INPP4B: variants seen among roughly 807,000 people sequenced by gnomAD.
INPP4B encodes the protein inositol polyphosphate 4-phosphatase type II.
In INPP4B, 55 loss-of-function variants were observed where a neutral mutation model predicts 122.5. The ratio of observed to expected loss-of-function variants is 0.45; its 90% confidence interval spans 0.36 to 0.56. The LOEUF (loss-of-function observed/expected upper bound fraction) is 0.56, where lower values mean the gene tolerates loss of function less well. Ranked by LOEUF, INPP4B falls within the 20% of genes least tolerant of loss-of-function variation. The probability of loss-of-function intolerance (pLI) is 0.00; values close to 1 mark genes in which losing one functional copy is unlikely to be tolerated. For synonymous variants in INPP4B, 403 were observed against 388.7 expected (o/e 1.04, Z -0.43); for missense variants, 1,000 against 1,097.7 (o/e 0.91, Z 1.26).
At chr4:142,137,686 C>A (rs1805315091) in intron 18 of INPP4B, among the ~76,000 whole-genome samples, 1 of 142,008 alleles carries the variant, frequency 7.0e-6, no homozygotes, top group African/African-American at 2.6e-5. Context: ...AACAAATTTA[C>A]AAGAAAAAAA....
At chr4:142,654,367 T>TTA (rs766012808) in intron 2 of INPP4B, 76 of 100,982 alleles carry the variant, frequency 7.5e-4, no homozygotes, top group Non-Finnish European at 1.1e-3. Context: ...ACTTAAAGTA[T>TTA]AAAAAAAAAA....
At chr4:142,597,437 G>C (rs1738962765) in intron 2 of INPP4B, among the ~76,000 whole-genome samples, 1 of 152,128 alleles carries the variant, frequency 6.6e-6, no homozygotes, top group African/African-American at 2.4e-5. Context: ...AATAATAATT[G>C]AGATAAATAA....
At chr4:142,468,690 A>G (rs1355347583) in intron 2 of INPP4B, among the ~76,000 whole-genome samples, 1 of 152,070 alleles carries the variant, frequency 6.6e-6, no homozygotes, top group Non-Finnish European at 1.5e-5. Context: ...TTCTGCACAC[A>G]CTGGCTCCCC....
intron 7 of INPP4B, among the ~76,000 whole-genome samples, chr4:142,386,688 T>C (rs1202746159): frequency 6.6e-6 from 1 of 152,224 alleles, no homozygotes; most frequent in Non-Finnish European, 1.5e-5. Context: ...CGTCCCTTTT[T>C]ATGTCGATAA....
At position 142,045,689 on chromosome 4, in the gene INPP4B, G is replaced by A. The variant is rs566541078; in HGVS notation, c.2643-16775C>T. Reference sequence around the variant, plus strand: ...AGCTTCATGGAATATTTCCCAAAATGTGTGTAATTAAATAAGTTGGGAAAT... The same window carrying A: ...AGCTTCATGGAATATTTCCCAAAATATGTGTAATTAAATAAGTTGGGAAAT... On this transcript the variant is annotated intron_variant, in intron 25 of 25. Transcript: ENST00000262992. Among the ~76,000 whole-genome samples, 296 of 152,166 alleles carry A rather than the reference G, an allele frequency of 1.9e-3. 2 individuals are homozygous for A. Among genetic ancestry groups the A allele is most frequent in the African/African-American group, 6.4e-3 (267 of 41,530 alleles).
chr4:142,032,333 G>A lies in INPP4B; in HGVS notation c.2643-3419C>T, dbSNP rs532477318. 2.6e-5 allele frequency among the ~76,000 whole-genome samples: 4 copies of A among 152,196 alleles called. No homozygotes were observed. In the East Asian group the frequency reaches 7.8e-4, roughly 30 times the overall value. ...AACTAGTGGATGGCAGACCAAACTG[G>A]AGGAGAGACTCTACAGTTATGGACC... On this transcript the variant is annotated intron_variant, in intron 25 of 25. Transcript: ENST00000262992.
chr4:142,224,214 C>A (rs979422774), intron 12 of INPP4B, among the ~76,000 whole-genome samples: 4 of 152,080 alleles, frequency 2.6e-5, no homozygotes, highest in African/African-American at 9.7e-5. Context: ...TGACAAAATA[C>A]ATAAGTTAAA....
At chr4:142,439,146 G>T (rs1309091459) in intron 3 of INPP4B, among the ~76,000 whole-genome samples, 1 of 152,090 alleles carries the variant, frequency 6.6e-6, no homozygotes, top group Non-Finnish European at 1.5e-5. Flanking sequence ...CGCTCCAAGT[G>T]CCTACACATG....
At chr4:142,280,670 G>A (rs1192578872) in intron 9 of INPP4B, among the ~76,000 whole-genome samples, 1 of 151,848 alleles carries the variant, frequency 6.6e-6, no homozygotes, top group African/African-American at 2.4e-5. Context: ...CTATGTTAAT[G>A]TATAAAATGG....
At chr4:142,768,786 G>A (rs944535179) in intron 1 of INPP4B, among the ~76,000 whole-genome samples, 1 of 152,160 alleles carries the variant, frequency 6.6e-6, no homozygotes, top group African/African-American at 2.4e-5. Context: ...ATGGCTGACT[G>A]TCAGAAAATA....
chr4:142,213,904 C>T (rs184886172), intron 12 of INPP4B, among the ~76,000 whole-genome samples: 4 of 152,174 alleles, frequency 2.6e-5, no homozygotes, highest in East Asian at 3.9e-4. Flanking sequence ...AGGGAACTCT[C>T]GAGGGTGCGA....
chr4:142,427,595 T>C, intron 5 of INPP4B: 1 of 429,876 alleles, frequency 2.3e-6, no homozygotes, highest in Non-Finnish European at 4.2e-6. Flanking sequence ...AGACAGGTAT[T>C]TGGTTCAAGT....
Position 142,344,161 on chromosome 4 carries a change from A to G in INPP4B, c.373-29399T>C, listed in dbSNP as rs144559063. Among the ~76,000 whole-genome samples the G allele has an allele frequency of 4.2e-3, 640 of 152,216 alleles. 6 individuals carry two copies. The highest frequency in any genetic ancestry group is 0.014 in the African/African-American group (600 of 41,540). Reference sequence around the variant, plus strand: ...AAAATAGTCCTGCTCTTTTGTGAAGAAGAGCACGGATTTAAAGAGAAATAA... The same window carrying G: ...AAAATAGTCCTGCTCTTTTGTGAAGGAGAGCACGGATTTAAAGAGAAATAA... On this transcript the variant is annotated intron_variant, in intron 7 of 25. Transcript: ENST00000262992.
intron 18 of INPP4B, among the ~76,000 whole-genome samples, chr4:142,140,981 C>A (rs1032319091): frequency 6.6e-6 from 1 of 152,152 alleles, no homozygotes. Context: ...CTGCAGACTG[C>A]TGAGACAAAC....
At chr4:142,597,445 T>G (rs1396920409) in intron 2 of INPP4B, among the ~76,000 whole-genome samples, 1 of 152,142 alleles carries the variant, frequency 6.6e-6, no homozygotes, top group Non-Finnish European at 1.5e-5. Context: ...TTGAGATAAA[T>G]AATGAGGTAA....
Position 142,122,261 on chromosome 4 carries a change from G to A in INPP4B, c.2018-16C>T. On this transcript the variant is annotated splice_polypyrimidine_tract_variant and intron_variant, in intron 20 of 25. Transcript: ENST00000262992. ...ATTTCATCGCCTAAACAATAGAAAA[G>A]GCACTTAGCTACAAACAAACATTTG... The A allele has an allele frequency of 1.3e-6, 2 of 1,553,716 alleles. No homozygotes were observed. Among genetic ancestry groups the A allele is most frequent in the Non-Finnish European group, 1.8e-6 (2 of 1,129,536 alleles).
At chr4:142,295,864 C>T (rs1758475336) in intron 9 of INPP4B, among the ~76,000 whole-genome samples, 1 of 151,450 alleles carries the variant, frequency 6.6e-6, no homozygotes, top group South Asian at 2.1e-4. Context: ...CTGGAAAAAG[C>T]AGATATAAAT....
intron 11 of INPP4B, 74 bp from the exon 12 acceptor site, chr4:142,238,085 C>A: frequency 1.5e-6 from 1 of 677,650 alleles, no homozygotes; most frequent in South Asian, 3.0e-5. Flanking sequence ...TTAATAAAAC[C>A]ATTAATCAAG....
chr4:142,558,196 T>C (rs2150107793), intron 2 of INPP4B, among the ~76,000 whole-genome samples: 1 of 152,288 alleles, frequency 6.6e-6, no homozygotes, highest in South Asian at 2.1e-4. Context: ...CAAGCTCTTT[T>C]CAAAACCTTG....
Sources: allele counts gnomAD v4.1 joint callset (sites outside exome capture counted in the v4.1 genomes callset), GRCh38; gene constraint gnomAD v4.1.1; transcripts MANE v1.5; gene names NCBI Gene and HGNC (gene_info 2026-07-23, HGNC 2026-07-21).